The following SHISA9 variants were observed in gnomAD, a reference collection of about 807,000 sequenced individuals.
SHISA9 encodes shisa family member 9.
SHISA9 carries 13 observed loss-of-function variants against 38.0 expected under a neutral mutation model. The observed-to-expected ratio is 0.34, with a 90% confidence interval of 0.22 to 0.54. The LOEUF (loss-of-function observed/expected upper bound fraction) is 0.54. Ranked by LOEUF, SHISA9 falls within the 20% of genes least tolerant of loss-of-function variation. The pLI, the probability that SHISA9 is intolerant of heterozygous loss-of-function variation, is 0.91. For synonymous variants in SHISA9, 275 were observed against 242.0 expected (o/e 1.14, Z -1.27); for missense variants, 538 against 575.8 (o/e 0.93, Z 0.67).
the SHISA9 span, among the ~76,000 whole-genome samples, chr16:13,358,396 C>A: frequency 6.6e-6 from 1 of 152,130 alleles, no homozygotes; most frequent in African/African-American, 2.4e-5. Context: ...CCCCACCCCC[C>A]AACAGGCTGT....
the SHISA9 span, among the ~76,000 whole-genome samples, chr16:13,554,226 G>C: frequency 6.6e-6 from 1 of 150,516 alleles, no homozygotes; most frequent in African/African-American, 2.4e-5. Context: ...CATACTCCAG[G>C]AAGCCATTCT....
intron 2 of SHISA9, among the ~76,000 whole-genome samples, chr16:13,054,825 C>T (rs1412104283): frequency 6.6e-6 from 1 of 152,190 alleles, no homozygotes; most frequent in African/African-American, 2.4e-5. Flanking sequence ...ACACTGACTT[C>T]ATTTCAGTGC....
At chr16:13,305,826 A>G in the SHISA9 span, among the ~76,000 whole-genome samples, 1 of 152,362 alleles carries the variant, frequency 6.6e-6, no homozygotes, top group African/African-American at 2.4e-5. Context: ...AGGTGATTAC[A>G]CAAGTTTGGT....
chr16:13,397,257 C>A, the SHISA9 span, among the ~76,000 whole-genome samples: 3 of 152,172 alleles, frequency 2.0e-5, no homozygotes, highest in African/African-American at 7.2e-5. Flanking sequence ...CCTGGCAGGG[C>A]TTGTAATGGG....
chr16:12,969,652 C>G (rs940198666), intron 2 of SHISA9, among the ~76,000 whole-genome samples: 1 of 152,058 alleles, frequency 6.6e-6, no homozygotes, highest in East Asian at 1.9e-4. Context: ...GAGGCTGAGG[C>G]GGGAGAATTG....
chr16:13,436,530 A>G, the SHISA9 span, among the ~76,000 whole-genome samples: 1 of 152,222 alleles, frequency 6.6e-6, no homozygotes, highest in Admixed American at 6.5e-5. Context: ...TAACCACAAA[A>G]ATAGTCAATC....
At chr16:13,471,907 T>C in the SHISA9 span, among the ~76,000 whole-genome samples, 2 of 152,198 alleles carry the variant, frequency 1.3e-5, no homozygotes, top group African/African-American at 4.8e-5. Context: ...AGACTGACCA[T>C]TGCCTGTTCT....
chr16:13,388,469 GC>G, the SHISA9 span, among the ~76,000 whole-genome samples: 2 of 151,916 alleles, frequency 1.3e-5, no homozygotes, highest in African/African-American at 2.4e-5. Context: ...CCACCACCAT[GC>G]CCAGCTAATT....
chr16:13,175,034 C>T (rs2050719531), intron 2 of SHISA9, among the ~76,000 whole-genome samples: 1 of 152,232 alleles, frequency 6.6e-6, no homozygotes, highest in East Asian at 1.9e-4. Context: ...AGCTGCCTAT[C>T]GGATGCTAGC....
In SHISA9 at chr16:13,239,898, G is replaced by A. The variant is rs2051421051; in HGVS notation, c.*4489G>A. 1 of 152,170 alleles carries A rather than the reference G, an allele frequency of 6.6e-6. No homozygotes were observed. The highest frequency in any genetic ancestry group is 2.4e-5 in the African/African-American group (1 of 41,446). The allele number at this position is 152,170 out of a possible 1,614,324, so 9.4% of individuals were successfully genotyped here. ...GGAGGGTAGACAGACCTCACAATAT[G>A]GAAAGACGGGACAACCTATGGAACT... is the stretch of plus-strand genomic sequence containing the variant. On this transcript the variant is annotated 3_prime_UTR_variant, in exon 5 of 5. Coordinates refer to ENST00000558583, the MANE Select transcript of SHISA9 (RefSeq NM_001145204.3).
chr16:13,080,589 A>G (rs1184206684), intron 2 of SHISA9, among the ~76,000 whole-genome samples: 3 of 152,160 alleles, frequency 2.0e-5, no homozygotes, highest in Non-Finnish European at 4.4e-5. Context: ...TTCCTAAAAG[A>G]AGAGCAGGAT....
chr16:13,033,554 T>C, intron 2 of SHISA9, among the ~76,000 whole-genome samples: 1 of 152,120 alleles, frequency 6.6e-6, no homozygotes, highest in East Asian at 1.9e-4. Context: ...AACTTTAAAT[T>C]CAAAAGAAAG....
At chr16:13,033,818 C>A (rs1426668519) in intron 2 of SHISA9, among the ~76,000 whole-genome samples, 1 of 152,158 alleles carries the variant, frequency 6.6e-6, no homozygotes, top group East Asian at 1.9e-4. Context: ...GATGGTTCAG[C>A]CCATGATTGG....
the SHISA9 span, among the ~76,000 whole-genome samples, chr16:13,480,610 G>C: frequency 6.6e-6 from 1 of 152,112 alleles, no homozygotes; most frequent in African/African-American, 2.4e-5. Flanking sequence ...CTAGGGTCTT[G>C]CCATTTTTCA....
intron 2 of SHISA9, among the ~76,000 whole-genome samples, chr16:13,166,784 C>A (rs750851581): frequency 2.6e-5 from 4 of 152,088 alleles, no homozygotes; most frequent in Non-Finnish European, 5.9e-5. Flanking sequence ...GGCAAAGAAG[C>A]CAGACCATGG....
At chr16:13,054,686 G>C (rs1204993866) in intron 2 of SHISA9, among the ~76,000 whole-genome samples, 2 of 152,084 alleles carry the variant, frequency 1.3e-5, no homozygotes, top group Non-Finnish European at 1.5e-5. Flanking sequence ...GTATGCAGAG[G>C]GTTTAGACTT....
At chr16:13,265,360 T>A in the SHISA9 span, among the ~76,000 whole-genome samples, 1 of 78,760 alleles carries the variant, frequency 1.3e-5, no homozygotes, top group Non-Finnish European at 2.4e-5. Context: ...TCCCCTCCAC[T>A]TCCATCCCCT....
At chr16:13,143,287 G>A (rs1022060644) in intron 2 of SHISA9, among the ~76,000 whole-genome samples, 4 of 152,116 alleles carry the variant, frequency 2.6e-5, no homozygotes, top group Non-Finnish European at 5.9e-5. Flanking sequence ...TGGGATTACA[G>A]GCATGAGGTA....
At chr16:13,123,016 C>T (rs1296965217) in intron 2 of SHISA9, among the ~76,000 whole-genome samples, 1 of 152,048 alleles carries the variant, frequency 6.6e-6, no homozygotes, top group Non-Finnish European at 1.5e-5. Context: ...CACTGAACCC[C>T]AGCCTGGGCG....
Sources: gnomAD v4.1 joint callset for allele counts (sites outside exome capture counted in the v4.1 genomes callset) on GRCh38, gnomAD v4.1.1 for gene constraint, MANE v1.5 for transcripts, NCBI Gene and HGNC (gene_info 2026-07-23, HGNC 2026-07-21) for gene names.